The following FAM193A variants were observed in gnomAD, a reference collection of about 807,000 sequenced individuals.
FAM193A encodes the protein family with sequence similarity 193 member A, also known as protein FAM193A.
FAM193A carries 22 observed loss-of-function variants against 126.5 expected under a neutral mutation model. The observed-to-expected ratio is 0.17, with a 90% CI of 0.12 to 0.25. FAM193A has a LOEUF of 0.25. Ranked by LOEUF, FAM193A falls within the 10% of genes least tolerant of loss-of-function variation. The probability of loss-of-function intolerance (pLI) is 1.00; values close to 1 mark genes in which losing one functional copy is unlikely to be tolerated. For missense variants in FAM193A, 1,675 were observed against 1,672.8 expected, an observed-to-expected ratio of 1.00 and a Z score of -0.02; for synonymous variants, 761 against 646.8, an observed-to-expected ratio of 1.18 and a Z score of -2.68.
chr4:2,576,928 A>G (rs148447319), intron 1 of FAM193A, among the ~76,000 whole-genome samples: 1 of 152,316 alleles, frequency 6.6e-6, no homozygotes, highest in East Asian at 1.9e-4. Context: ...AGATGTACCT[A>G]TTCTCTGACC....
chr4:2,640,504 T>G (rs1365891394), intron 6 of FAM193A, among the ~76,000 whole-genome samples: 1 of 152,214 alleles, frequency 6.6e-6, no homozygotes, highest in African/African-American at 2.4e-5. Flanking sequence ...CCTCCTGATG[T>G]GACGTTACTC....
chr4:2,538,276 A>G (rs1013865036), intron 1 of FAM193A, among the ~76,000 whole-genome samples: 6 of 150,464 alleles, frequency 4.0e-5, no homozygotes, highest in African/African-American at 1.5e-4. Flanking sequence ...ATCTTGGCTC[A>G]CTGTAACCTC....
chr4:2,655,348 G>A, intron 7 of FAM193A, among the ~76,000 whole-genome samples: 1 of 152,074 alleles, frequency 6.6e-6, no homozygotes, highest in East Asian at 1.9e-4. Context: ...GCGTTCCTGG[G>A]ATGAAACCCT....
chr4:2,724,763 A>C (rs1024200587), intron 20 of FAM193A, among the ~76,000 whole-genome samples: 4 of 152,210 alleles, frequency 2.6e-5, no homozygotes, highest in South Asian at 4.1e-4. Flanking sequence ...GAAGCTTTAC[A>C]TTATTGGCAG....
intron 13 of FAM193A, among the ~76,000 whole-genome samples, chr4:2,678,601 G>C (rs182240225): frequency 4.6e-4 from 70 of 152,120 alleles, no homozygotes; most frequent in Admixed American, 8.5e-4. Context: ...GACCTCAAGT[G>C]ATCCGCCCGC....
chr4:2,618,123 A>G (rs1421675280), intron 2 of FAM193A, among the ~76,000 whole-genome samples: 1 of 148,954 alleles, frequency 6.7e-6, no homozygotes, highest in Non-Finnish European at 1.5e-5. Flanking sequence ...TTGCTCCTGC[A>G]TATGTAAGGT....
chr4:2,652,959 G>A (rs903168076), intron 7 of FAM193A, among the ~76,000 whole-genome samples: 38 of 152,234 alleles, frequency 2.5e-4, no homozygotes, highest in Admixed American at 6.5e-5. Context: ...ATCTGCAGAT[G>A]ACAGGAGGCT....
chr4:2,729,750 A>G (rs1721169542), intron 20 of FAM193A, among the ~76,000 whole-genome samples: 1 of 152,162 alleles, frequency 6.6e-6, no homozygotes, highest in African/African-American at 2.4e-5. Context: ...AGCTAGGACC[A>G]CAGGTGTGCG....
At chr4:2,651,235 C>T (rs559747628) in intron 7 of FAM193A, among the ~76,000 whole-genome samples, 2 of 152,122 alleles carry the variant, frequency 1.3e-5, no homozygotes, top group Non-Finnish European at 2.9e-5. Flanking sequence ...GAGGCTGAGG[C>T]AGGAGAGTCA....
intron 2 of FAM193A, among the ~76,000 whole-genome samples, chr4:2,602,449 G>A (rs1741257508): frequency 6.6e-6 from 1 of 150,744 alleles, no homozygotes; most frequent in Non-Finnish European, 1.5e-5. Flanking sequence ...CCACCTCATA[G>A]GTTCAAACGA....
chr4:2,728,238 ATTTTTTTTTTTT>A (rs58609064), intron 20 of FAM193A, among the ~76,000 whole-genome samples: 5 of 82,060 alleles, frequency 6.1e-5, no homozygotes, highest in Admixed American at 5.1e-4. Context: ...ACCCGGCCCA[ATTTTTTTTTTTT>A]TTTTTTTTTT....
At chr4:2,553,283 A>AGTC (rs1049053244) in intron 1 of FAM193A, among the ~76,000 whole-genome samples, 2 of 152,124 alleles carry the variant, frequency 1.3e-5, no homozygotes, top group African/African-American at 4.8e-5. Context: ...GCGCGATGAT[A>AGTC]GGACCTGTGA....
intron 1 of FAM193A, among the ~76,000 whole-genome samples, chr4:2,590,476 CAAAA>C (rs754091956): frequency 1.5e-4 from 6 of 40,492 alleles, no homozygotes; most frequent in Admixed American, 8.0e-4. Flanking sequence ...AAAAAAAAAA[CAAAA>C]AAAAACAAAA....
chr4:2,683,197 A>C (rs1715346689), intron 13 of FAM193A, among the ~76,000 whole-genome samples: 2 of 151,906 alleles, frequency 1.3e-5, no homozygotes. Context: ...ATTTCTGACA[A>C]GATGTCCTCT....
chr4:2,661,616 G>T lies in FAM193A; in HGVS notation c.1746-1222G>T, dbSNP rs1001453199. 2.6e-5 allele frequency among the ~76,000 whole-genome samples: 4 copies of T among 152,162 alleles called. No homozygotes were observed. In the South Asian group the frequency reaches 6.2e-4, roughly 24 times the overall value. Reference sequence around the variant, plus strand: ...TTGTACTTACCTCTGGTGAGCTCCAGACTCTAGCACGTTACTTGTAATGTG... The same window carrying T: ...TTGTACTTACCTCTGGTGAGCTCCATACTCTAGCACGTTACTTGTAATGTG... On this transcript the variant is annotated intron_variant, in intron 10 of 20. Coordinates refer to ENST00000637812, the MANE Select transcript of FAM193A (RefSeq NM_001366318.2).
At chr4:2,708,974 A>G (rs936885094) in intron 19 of FAM193A, among the ~76,000 whole-genome samples, 2 of 152,120 alleles carry the variant, frequency 1.3e-5, no homozygotes, top group Non-Finnish European at 2.9e-5. Context: ...GTGTTTCCAC[A>G]TTAAGTAAGA....
At chr4:2,575,764 C>T (rs963435306) in intron 1 of FAM193A, among the ~76,000 whole-genome samples, 2 of 152,028 alleles carry the variant, frequency 1.3e-5, no homozygotes, top group African/African-American at 4.8e-5. Flanking sequence ...TCGCGCCCGG[C>T]GAGATACTGG....
intron 1 of FAM193A, among the ~76,000 whole-genome samples, chr4:2,549,412 T>C (rs1330408362): frequency 1.2e-4 from 17 of 143,086 alleles, no homozygotes; most frequent in African/African-American, 4.3e-4. Context: ...TTTTTTTTTT[T>C]TTGAGACGGA....
chr4:2,613,532 C>T (rs1236185575), intron 2 of FAM193A, among the ~76,000 whole-genome samples: 1 of 151,718 alleles, frequency 6.6e-6, no homozygotes, highest in Non-Finnish European at 1.5e-5. Context: ...CGGCTCACCA[C>T]AACCTCTGCC....
Sources: gnomAD v4.1 joint callset for allele counts (sites outside exome capture counted in the v4.1 genomes callset) on GRCh38, gnomAD v4.1.1 for gene constraint, MANE v1.5 for transcripts, NCBI Gene and HGNC (gene_info 2026-07-23, HGNC 2026-07-21) for gene names.